Variants in TOGARAM2 observed in about 807,000 individuals in gnomAD.
TOGARAM2 encodes TOG array regulator of axonemal microtubules protein 2.
In TOGARAM2, 85 loss-of-function variants were observed where a neutral mutation model predicts 93.3. The ratio of observed to expected loss-of-function variants is 0.91; its 90% CI spans 0.76 to 1.09. TOGARAM2 has a LOEUF of 1.09. Ranked by LOEUF, TOGARAM2 falls within the 50% of genes least tolerant of loss-of-function variation. The probability of loss-of-function intolerance (pLI) is 0.00; values close to 1 mark genes in which losing one functional copy is unlikely to be tolerated. For missense variants in TOGARAM2, 1,277 were observed against 1,334.5 expected (o/e 0.96, Z 0.67); for synonymous variants, 593 against 552.8 (o/e 1.07, Z -1.02).
At chr2:28,983,560 T>G (rs1433657132) in intron 1 of TOGARAM2, among the ~76,000 whole-genome samples, 1 of 152,126 alleles carries the variant, frequency 6.6e-6, no homozygotes, top group Non-Finnish European at 1.5e-5. Flanking sequence ...CATTTTCCTG[T>G]TGGACATTTA....
In TOGARAM2 at chr2:29,005,537, GGTGTGTGTTCATGTGTGTGGAGT is replaced by G. The variant is rs1673696358; in HGVS notation, c.830+1863_830+1885del. On this transcript the variant is annotated intron_variant, in intron 6 of 19. Coordinates refer to ENST00000379558, the MANE Select transcript of TOGARAM2 (RefSeq NM_199280.4). ...TAACTACGTGTGTGAAGCCATGTGT[GGTGTGTGTTCATGTGTGTGGAGT>G]GTGTGTGCATGTGTGTATGTGTGTG... 4.9e-5 allele frequency among the ~76,000 whole-genome samples: 7 copies of G among 144,232 alleles called. No individual in the cohort carries two copies. The South Asian group carries it at 1.6e-3, about 32-fold the overall frequency. 94.6% of individuals were successfully genotyped at this position (144,232 alleles called of 152,430 possible).
intron 10 of TOGARAM2, among the ~76,000 whole-genome samples, chr2:29,021,489 G>A (rs912077376): frequency 1.3e-5 from 2 of 152,168 alleles, no homozygotes; most frequent in African/African-American, 4.8e-5. Context: ...CAGAGGCCCT[G>A]TAAGACTCCT....
At chr2:29,044,637 C>T (rs988954746) in intron 18 of TOGARAM2, among the ~76,000 whole-genome samples, 9 of 151,934 alleles carry the variant, frequency 5.9e-5, no homozygotes, top group Admixed American at 3.9e-4. Flanking sequence ...CATGTCTAAG[C>T]GTCTGTCTGC....
intron 16 of TOGARAM2, among the ~76,000 whole-genome samples, 154 bp from the exon 17 acceptor site, chr2:29,035,310 G>A (rs1360884276): frequency 2.0e-5 from 3 of 152,208 alleles, no homozygotes; most frequent in Non-Finnish European, 4.4e-5. Context: ...TGGGCAACAA[G>A]CTGTAGGTGG....
Position 29,003,612 on chromosome 2 carries a change from C to A in TOGARAM2, c.760C>A (p.Pro254Thr). The change falls in exon 6 of 20, where the codon CCT (proline) becomes ACT (threonine). Residue 254 changes from proline to threonine, a missense_variant. Physicochemically the swap from Pro to Thr is conservative, Grantham distance 38 (BLOSUM62 -1). Coordinates refer to ENST00000379558, the MANE Select transcript of TOGARAM2 (RefSeq NM_199280.4). The part of the protein sequence containing the change: ...RTVAATPSRV[P>T]GSLPSPLPPG... ...GGTTGCAGCGACCCCCTCCCGTGTG[C>A]CTGGCTCCCTTCCCAGCCCGTTACC... is the stretch of plus-strand genomic sequence containing the variant. 1 of 1,593,294 alleles carries A rather than the reference C, an allele frequency of 6.3e-7. No individual in the cohort carries two copies.
rs1191492581 is a variant in TOGARAM2 at position 29,014,530 on chromosome 2, A to C, written c.1013A>C (p.Lys338Thr). The change falls in exon 8 of 20, where the codon AAA (lysine) becomes ACA (threonine). Residue 338 changes from lysine to threonine, a missense_variant. By Grantham distance (78) the Lys-to-Thr change is moderately conservative. Coordinates refer to ENST00000379558, the MANE Select transcript of TOGARAM2 (RefSeq NM_199280.4). ...GCCAGAGAAGCCTGCCCTCCGCTGA[A>C]AGAAGAGGACCAGAAGGAGATCGGC... ...DCAREACPPL[K>T]EEDQKEIGTK... The C allele has an allele frequency of 1.9e-6, 3 of 1,572,206 alleles. No homozygotes were observed. The highest frequency in any genetic ancestry group is 2.3e-5 in the East Asian group (1 of 42,618).
At chr2:29,025,333 A>G (rs34878079) in intron 13 of TOGARAM2, among the ~76,000 whole-genome samples, 45,643 of 152,054 alleles carry the variant, frequency 0.3, 7,007 homozygotes, top group African/African-American at 0.36. Context: ...GTGCCTGCCC[A>G]TTCCTGACAT....
At chr2:28,979,608 T>C (rs1344148095), upstream of TOGARAM2, among the ~76,000 whole-genome samples, 1 of 152,202 alleles carries the variant, frequency 6.6e-6, no homozygotes, top group African/African-American at 2.4e-5. Context: ...CTGTGCTGCC[T>C]CCTGTGTCTC....
intron 1 of TOGARAM2, among the ~76,000 whole-genome samples, chr2:28,962,219 A>G (rs1452640208): frequency 6.7e-6 from 1 of 149,984 alleles, no homozygotes; most frequent in Non-Finnish European, 1.5e-5. Flanking sequence ...TCTGTCACCC[A>G]GGCTGGAGTG....
intron 11 of TOGARAM2, among the ~76,000 whole-genome samples, chr2:29,022,728 C>T (rs1170311958): frequency 6.6e-6 from 1 of 152,168 alleles, no homozygotes; most frequent in Non-Finnish European, 1.5e-5. Context: ...GCCTCGGCCT[C>T]CAGAACATTT....
At chr2:29,009,282 C>G (rs563708647) in intron 6 of TOGARAM2, among the ~76,000 whole-genome samples, 1 of 152,070 alleles carries the variant, frequency 6.6e-6, no homozygotes, top group East Asian at 1.9e-4. Flanking sequence ...TGACAGCCTG[C>G]GGGGTGGGGG....
At chr2:28,994,462 G>A (rs1037480221) in intron 1 of TOGARAM2, among the ~76,000 whole-genome samples, 3 of 152,272 alleles carry the variant, frequency 2.0e-5, no homozygotes, top group Admixed American at 6.5e-5. Flanking sequence ...CGACCCTAAA[G>A]GTGTCCATGT....
chr2:28,980,798 A>G (rs528339079), upstream of TOGARAM2, among the ~76,000 whole-genome samples: 5 of 152,352 alleles, frequency 3.3e-5, no homozygotes, highest in East Asian at 7.7e-4. Context: ...AAGCTGTTAC[A>G]TGCACCTTTG....
intron 1 of TOGARAM2, among the ~76,000 whole-genome samples, chr2:28,984,794 G>T (rs943518130): frequency 6.6e-6 from 1 of 152,316 alleles, no homozygotes. Context: ...GGATTGATGC[G>T]GTGGTATCCT....
rs745859696 is a variant in TOGARAM2, at chr2:29,017,944, C to T, written c.1348C>T (p.Arg450Cys). 1.4e-5 allele frequency: 22 copies of T among 1,604,102 alleles called. No homozygotes were observed. The highest frequency in any genetic ancestry group is 8.0e-5 in the African/African-American group (6 of 74,722). Residue 450 changes from arginine to cysteine, a missense_variant, in exon 10 of 20, where the codon CGC (arginine) becomes TGC (cysteine). Physicochemically the swap from Arg to Cys is radical, Grantham distance 180 (BLOSUM62 -3). Coordinates refer to ENST00000379558, the MANE Select transcript of TOGARAM2 (RefSeq NM_199280.4). ...CAGCCGGCAGGAGCCCCGCTTTGCC[C>T]GCCACGCCTCAGGTGGGCAGGCCCG... ...PISRQEPRFA[R>C]HASANSLPAV...
At chr2:29,042,231 T>C (rs1666477502) in intron 18 of TOGARAM2, among the ~76,000 whole-genome samples, 1 of 152,268 alleles carries the variant, frequency 6.6e-6, no homozygotes, top group African/African-American at 2.4e-5. Context: ...CTGGGCATAG[T>C]GCTCTGGGGT....
Position 29,045,381 on chromosome 2 carries a change from C to A in TOGARAM2, c.2693C>A (p.Ala898Glu), listed in dbSNP as rs772860938. The change falls in exon 19 of 20, where the codon GCG (alanine) becomes GAG (glutamate). Residue 898 changes from alanine to glutamate, a missense_variant. Physicochemically the swap from Ala to Glu is moderately radical, Grantham distance 107. Coordinates refer to ENST00000379558, the MANE Select transcript of TOGARAM2 (RefSeq NM_199280.4). The part of the protein sequence containing the change: ...AGRVRFLSGR[A>E]VLDVTDRLAV... ...CGAGTGCGTTTCCTGAGTGGCCGTG[C>A]GGTGCTGGATGTCACAGATCGCCTG... 1.2e-6 allele frequency: 2 copies of A among 1,613,610 alleles called. No homozygotes were observed. Among genetic ancestry groups the A allele is most frequent in the Admixed American group, 1.7e-5 (1 of 60,024 alleles).
Position 28,963,792 on chromosome 2 carries a change from G to A in TOGARAM2, c.-147+7095G>A, listed in dbSNP as rs1671829589. On this transcript the variant is annotated intron_variant, in intron 1 of 6. Transcript: ENST00000401723. ...GGAGGCCGAGGTGAGCGGATCACCT[G>A]AGGTCAAGAGTTCAAGACCAGCCTG... 2.0e-5 allele frequency among the ~76,000 whole-genome samples: 3 copies of A among 152,222 alleles called. No individual in the cohort carries two copies. In the South Asian group the frequency reaches 6.2e-4, roughly 31 times the overall value.
At chr2:28,979,051 C>A (rs1285085564), upstream of TOGARAM2, among the ~76,000 whole-genome samples, 1 of 152,186 alleles carries the variant, frequency 6.6e-6, no homozygotes, top group African/African-American at 2.4e-5. Context: ...GTGTCCCTTT[C>A]TTTCTGAGGT....
Sources: gnomAD v4.1 joint callset for allele counts (sites outside exome capture counted in the v4.1 genomes callset) on GRCh38, gnomAD v4.1.1 for gene constraint, MANE v1.5 for transcripts, NCBI Gene and HGNC (gene_info 2026-07-23, HGNC 2026-07-21) for gene names.